The following ATP8B1 variants were observed in gnomAD, a reference collection of about 807,000 sequenced individuals.
ATP8B1 encodes the protein phospholipid-transporting ATPase IC.
Under a neutral mutation model 149.9 loss-of-function variants are expected in ATP8B1, and 80 were observed. The observed-to-expected ratio is 0.53, with a 90% CI of 0.45 to 0.64. The LOEUF (loss-of-function observed/expected upper bound fraction) is 0.64, where lower values mean the gene tolerates loss of function less well. ATP8B1 is among the 30% of genes least tolerant of loss of function. The pLI, the probability that ATP8B1 is intolerant of heterozygous loss-of-function variation, is 0.00. For missense variants in ATP8B1, 1,247 were observed against 1,552.6 expected (o/e 0.80, Z 3.31); for synonymous variants, 536 against 562.8 (o/e 0.95, Z 0.67).
intron 1 of ATP8B1, among the ~76,000 whole-genome samples, chr18:57,762,500 T>C (rs2123334454): frequency 6.6e-6 from 1 of 152,240 alleles, no homozygotes; most frequent in Non-Finnish European, 1.5e-5. Context: ...TTCACTAGGG[T>C]TCACTCTTTG....
chr18:57,732,036 T>A lies in ATP8B1; in HGVS notation c.-25-204A>T, dbSNP rs66955564. ...ATTAAATGCTTGGGTAAGATTTTTTTAAAAAATATGGAGCTGCAAACCTTT... is the reference window on the plus strand; with the variant it reads ...ATTAAATGCTTGGGTAAGATTTTTTAAAAAAATATGGAGCTGCAAACCTTT... On this transcript the variant is annotated intron_variant, in intron 1 of 27. Transcript: ENST00000648908. 0.57 allele frequency: 190,509 copies of A among 334,700 alleles called. 65,339 individuals carry two copies. Among genetic ancestry groups the A allele is most frequent in the Non-Finnish European group, 0.59 (106,622 of 179,476 alleles). The allele number at this position is 334,700 out of a possible 1,614,324, so 20.7% of individuals were successfully genotyped here. A position where few individuals can be genotyped will look rare whatever the true frequency, so the allele number is the denominator to read the frequency against.
intron 20 of ATP8B1, among the ~76,000 whole-genome samples, chr18:57,664,386 A>T (rs940001500): frequency 2.6e-5 from 4 of 151,150 alleles, no homozygotes; most frequent in African/African-American, 9.7e-5. Flanking sequence ...GGTGCCTGTA[A>T]TCCCAGTTAC....
At chr18:57,655,884 C>G (rs1201723374) in intron 22 of ATP8B1, among the ~76,000 whole-genome samples, 1 of 152,174 alleles carries the variant, frequency 6.6e-6, no homozygotes, top group African/African-American at 2.4e-5. Flanking sequence ...AAATAAAAAC[C>G]CTACATTTCC....
At position 57,684,125 on chromosome 18, in the gene ATP8B1, T is replaced by C; in HGVS notation, c.1541A>G (p.Glu514Gly). Residue 514 changes from glutamate (E) to glycine (G), a missense_variant, in exon 15 of 28, where the codon GAG (glutamate) becomes GGG (glycine). By Grantham distance (98) the Glu-to-Gly change is moderately conservative. Around this residue, in one of 3 missense-constraint regions of ATP8B1, gnomAD observed 853 missense variants for 1,035.7 expected, o/e 0.82. Coordinates refer to ENST00000648908, the MANE Select transcript of ATP8B1 (RefSeq NM_001374385.1). ...TGGCTCTTTCCCTGACTGGATTTGCTCAATAAGATAGTGGTCATAAAATGC... is the reference window on the plus strand; with the variant it reads ...TGGCTCTTTCCCTGACTGGATTTGCCCAATAAGATAGTGGTCATAAAATGC... Reference protein sequence around the residue: ...KLAFYDHYLIEQIQSGKEPEV... With the variant: ...KLAFYDHYLIGQIQSGKEPEV... 1 of 1,614,156 alleles carries C rather than the reference T, an allele frequency of 6.2e-7. No individual in the cohort carries two copies. Among genetic ancestry groups the C allele is most frequent in the South Asian group, 1.1e-5 (1 of 91,078 alleles).
Position 57,694,620 on chromosome 18 carries a change from T to C in ATP8B1, c.991A>G (p.Thr331Ala), listed in dbSNP as rs1355104396. Residue 331 changes from threonine to alanine, a missense_variant, in exon 11 of 28, where the codon ACT becomes GCT. Thr to Ala is a moderately conservative substitution (Grantham distance 58). This residue lies in a region of ATP8B1 where 853 missense variants were observed against 1,035.7 expected (regional missense o/e 0.82). Coordinates refer to ENST00000648908, the MANE Select transcript of ATP8B1 (RefSeq NM_001374385.1). ...KNSGKTRFKR[T>A]KIDYLMNYMV... ...TAGTTCATCAAGTAATCAATTTTAGTTCTTTTAAATCTGGTTTTCCCACTA... is the reference window on the plus strand; with the variant it reads ...TAGTTCATCAAGTAATCAATTTTAGCTCTTTTAAATCTGGTTTTCCCACTA... The C allele has an allele frequency of 1.9e-6, 3 of 1,594,880 alleles. No individual in the cohort carries two copies. The highest frequency in any genetic ancestry group is 2.6e-6 in the Non-Finnish European group (3 of 1,162,780).
intron 2 of ATP8B1, among the ~76,000 whole-genome samples, chr18:57,710,704 A>G (rs1913646591): frequency 1.3e-5 from 2 of 152,216 alleles, no homozygotes; most frequent in Non-Finnish European, 2.9e-5. Flanking sequence ...ATGCGATCTC[A>G]GCTCACTGCA....
intron 22 of ATP8B1, among the ~76,000 whole-genome samples, chr18:57,658,171 C>T (rs1424269932): frequency 4.0e-5 from 6 of 150,984 alleles, no homozygotes; most frequent in Admixed American, 6.6e-5. Context: ...CTCAGGCTCC[C>T]GAGTGGCTGG....
At position 57,791,644 on chromosome 18, in the gene ATP8B1, A is replaced by G. The variant is rs2080466009; in HGVS notation, c.-26+11354T>C. ...CAGGCATAAGCCACCGTGCTCAGCG[A>G]AAATTTCCTTCCTTCGTAAGGCTGA... On this transcript the variant is annotated intron_variant, in intron 1 of 27. Coordinates refer to ENST00000648908, the MANE Select transcript of ATP8B1 (RefSeq NM_001374385.1). Among the ~76,000 whole-genome samples the G allele has an allele frequency of 2.6e-5, 4 of 152,230 alleles. No individual in the cohort carries two copies. In the South Asian group the frequency reaches 8.3e-4, roughly 32 times the overall value.
At chr18:57,653,282 C>CT (rs199543849) in intron 24 of ATP8B1, among the ~76,000 whole-genome samples, 19,412 of 114,528 alleles carry the variant, frequency 0.17, 2,013 homozygotes, top group Non-Finnish European at 0.23. Context: ...CTTTTCTTTT[C>CT]TTTTTTTTTT....
chr18:57,700,658 T>TA (rs1331990424), intron 6 of ATP8B1, among the ~76,000 whole-genome samples: 1 of 152,118 alleles, frequency 6.6e-6, no homozygotes, highest in Non-Finnish European at 1.5e-5. Flanking sequence ...CATGGTGGCT[T>TA]ACACCTGTAA....
At chr18:57,675,106 TG>T in intron 15 of ATP8B1, 84 bp from the exon 16 acceptor site, 1 of 1,443,846 alleles carries the variant, frequency 6.9e-7, no homozygotes. Context: ...GAGGCTCCTG[TG>T]GGGGTCAGAT....
At chr18:57,666,581 G>A (rs1265367042) in intron 20 of ATP8B1, among the ~76,000 whole-genome samples, 2 of 149,730 alleles carry the variant, frequency 1.3e-5, no homozygotes, top group African/African-American at 2.5e-5. Flanking sequence ...TGTCACCTAG[G>A]CTGGAGTACA....
chr18:57,664,501 GAAAAAAA>G (rs532262308), intron 20 of ATP8B1, among the ~76,000 whole-genome samples: 15 of 99,494 alleles, frequency 1.5e-4, no homozygotes, highest in South Asian at 6.6e-4. Context: ...GTCTTTCTAA[GAAAAAAA>G]AAAAAAAAAA....
intron 1 of ATP8B1, among the ~76,000 whole-genome samples, chr18:57,751,060 T>C (rs954107655): frequency 1.3e-5 from 2 of 152,064 alleles, no homozygotes; most frequent in African/African-American, 4.8e-5. Context: ...GAGGCAGAGG[T>C]TGCAGTGAGG....
intron 2 of ATP8B1, among the ~76,000 whole-genome samples, chr18:57,728,393 C>A (rs1287885962): frequency 6.6e-6 from 1 of 151,770 alleles, no homozygotes. Context: ...CAGGGTGACA[C>A]TGACCTTAAC....
Position 57,701,058 on chromosome 18 carries a change from C to T in ATP8B1, c.535G>A (p.Glu179Lys), listed in dbSNP as rs759974970. The T allele has an allele frequency of 4.3e-6, 7 of 1,614,032 alleles. No homozygotes were observed. The highest frequency in any genetic ancestry group is 1.7e-5 in the Admixed American group (1 of 60,000). Residue 179 changes from glutamate (E) to lysine (K), a missense_variant, in exon 6 of 28, where the codon GAA (glutamate) becomes AAA (lysine). Coordinates refer to ENST00000648908, the MANE Select transcript of ATP8B1 (RefSeq NM_001374385.1). Reference sequence around the variant, plus strand: ...CAGTACCTGCCATCCTTAATGACTTCACACGTCCTATTGTTGATTTCCTTA... The same window carrying T: ...CAGTACCTGCCATCCTTAATGACTTTACACGTCCTATTGTTGATTTCCTTA... ...MDKEINNRTC[E>K]VIKDGRFKVA...
chr18:57,768,759 G>C (rs2080240605), intron 1 of ATP8B1, among the ~76,000 whole-genome samples: 1 of 152,208 alleles, frequency 6.6e-6, no homozygotes, highest in Non-Finnish European at 1.5e-5. Context: ...GCCAAGGATA[G>C]AAGTGGAAAT....
At chr18:57,677,775 G>A (rs1021970115) in intron 15 of ATP8B1, among the ~76,000 whole-genome samples, 3 of 152,060 alleles carry the variant, frequency 2.0e-5, no homozygotes, top group Admixed American at 1.3e-4. Context: ...AATCAGCAGC[G>A]GTGAGAACAA....
chr18:57,789,637 C>A (rs1172934545), intron 1 of ATP8B1, among the ~76,000 whole-genome samples: 1 of 152,166 alleles, frequency 6.6e-6, no homozygotes, highest in Non-Finnish European at 1.5e-5. Flanking sequence ...TACAAAGCGC[C>A]CCTTTCCCAC....
Sources: gnomAD v4.1 joint callset for allele counts (sites outside exome capture counted in the v4.1 genomes callset) on GRCh38, gnomAD v4.1.1 for gene constraint, gnomAD v4.1.1 regional missense constraint, MANE v1.5 for transcripts, NCBI Gene and HGNC (gene_info 2026-07-23, HGNC 2026-07-21) for gene names.